Variants in POTEC observed in about 807,000 individuals in gnomAD.
POTEC encodes POTE ankyrin domain family member C, also known as ANKRD26-like family B member 2.
In POTEC, 35 loss-of-function variants were observed where a neutral mutation model predicts 62.0. The observed-to-expected ratio is 0.56, with a 90% CI of 0.43 to 0.75. POTEC has a LOEUF of 0.75. Ranked by LOEUF, POTEC falls within the 30% of genes least tolerant of loss-of-function variation. POTEC has a pLI of 0.00. For synonymous variants in POTEC, 156 were observed against 221.5 expected (o/e 0.70, Z 2.62); for missense variants, 472 against 655.9 (o/e 0.72, Z 3.06).
At chr18:14,537,062 A>G (rs1905742322) in intron 3 of POTEC, among the ~76,000 whole-genome samples, 1 of 151,150 alleles carries the variant, frequency 6.6e-6, no homozygotes, top group Admixed American at 6.6e-5. Context: ...ATTTATCTCT[A>G]GGCAGTTTAC....
intron 6 of POTEC, among the ~76,000 whole-genome samples, chr18:14,527,375 T>C (rs60680133): frequency 0.036 from 5,538 of 152,118 alleles, 359 homozygotes; most frequent in African/African-American, 0.13. Context: ...TTGCAGAAAA[T>C]GATTTTTTAG....
Position 14,533,110 on chromosome 18 carries a change from G to C in POTEC, c.1006C>G (p.Leu336Val). The stretch of plus-strand genomic sequence containing the variant: ...TACTCTCTGGCCGTCTGTCCAGATA[G>C]ATCTTGAGAAGATACATCAACATTT... ...EQNVDVSSQDLSGQTAREYAV... is the reference protein window; with the variant it reads ...EQNVDVSSQDVSGQTAREYAV... Residue 336 changes from leucine to valine, a missense_variant, in exon 5 of 11, where the codon CTA becomes GTA. Physicochemically the swap from Leu to Val is conservative, Grantham distance 32 (BLOSUM62 1). Transcript: ENST00000358970. 2 of 1,611,380 alleles carry C rather than the reference G, an allele frequency of 1.2e-6. No individual in the cohort carries two copies. The highest frequency in any genetic ancestry group is 1.7e-6 in the Non-Finnish European group (2 of 1,179,528).
chr18:14,532,923 T>C, intron 5 of POTEC, 138 bp downstream of exon 5: 1 of 1,553,794 alleles, frequency 6.4e-7, no homozygotes, highest in Admixed American at 1.8e-5. Flanking sequence ...TTCTGGCTGA[T>C]GCAGGGGACT....
intron 6 of POTEC, among the ~76,000 whole-genome samples, chr18:14,529,919 C>T (rs910811074): frequency 3.9e-5 from 6 of 151,994 alleles, no homozygotes; most frequent in African/African-American, 1.4e-4. Context: ...GTAGGACCAC[C>T]CAGAGCAGGG....
chr18:14,512,704 G>T (rs1598475579), intron 10 of POTEC, among the ~76,000 whole-genome samples: 2 of 152,198 alleles, frequency 1.3e-5, no homozygotes, highest in African/African-American at 4.8e-5. Flanking sequence ...CTGGGAGGCA[G>T]AGGTTGCAGT....
At position 14,537,928 on chromosome 18, in the gene POTEC, T is replaced by C; in HGVS notation, c.683A>G (p.His228Arg). The change falls in exon 3 of 11, where the codon CAT becomes CGT. Residue 228 changes from histidine to arginine, a missense_variant. Coordinates refer to ENST00000358970, the MANE Select transcript of POTEC (RefSeq NM_001137671.2). The part of the protein sequence containing the change: ...EDECVLMLLE[H>R]GADQNIPDEY... ...ATCTGGAATATTTTGATCAGCGCCA[T>C]GTTCCAGCAACATTAACACACATTC... 3.1e-6 allele frequency: 5 copies of C among 1,612,652 alleles called. No individual in the cohort carries two copies. Among genetic ancestry groups the C allele is most frequent in the Non-Finnish European group, 4.2e-6 (5 of 1,179,794 alleles).
chr18:14,529,216 A>G (rs1905419169), intron 6 of POTEC, among the ~76,000 whole-genome samples: 2 of 152,096 alleles, frequency 1.3e-5, no homozygotes, highest in Non-Finnish European at 2.9e-5. Flanking sequence ...AAGTAGTAAA[A>G]TAATAAAAAT....
At chr18:14,541,670 T>G (rs1308574027) in intron 1 of POTEC, among the ~76,000 whole-genome samples, 1 of 152,110 alleles carries the variant, frequency 6.6e-6, no homozygotes, top group Non-Finnish European at 1.5e-5. Flanking sequence ...CACATATAAA[T>G]AGGCATTTGT....
chr18:14,530,729 A>C (rs184992478), intron 5 of POTEC, among the ~76,000 whole-genome samples, 176 bp from the exon 6 acceptor site: 7 of 152,300 alleles, frequency 4.6e-5, no homozygotes, highest in Admixed American at 6.5e-5. Flanking sequence ...TTCTAATTAA[A>C]GCAGAAAAAA....
rs1181925947 is a variant in POTEC, at chr18:14,511,205, G to A, written c.*693C>T. 6.5e-6 allele frequency: 1 copy of A among 154,068 alleles called. No individual in the cohort carries two copies. Among genetic ancestry groups the A allele is most frequent in the Non-Finnish European group, 1.4e-5 (1 of 69,768 alleles). The allele number at this position is 154,068 out of a possible 1,614,324, so 9.5% of individuals were successfully genotyped here. ...AAGGTTTCAAATCTCCATTGGCCAG[G>A]GAACACTGGTGGGTGTAGCTGGAGG... On this transcript the variant is annotated 3_prime_UTR_variant, in exon 11 of 11. Coordinates refer to ENST00000358970, the MANE Select transcript of POTEC (RefSeq NM_001137671.2).
chr18:14,542,643 C>A lies in POTEC; in HGVS notation c.504G>T (p.Lys168Asn). 6.2e-7 allele frequency: 1 copy of A among 1,612,634 alleles called. No individual in the cohort carries two copies. The highest frequency in any genetic ancestry group is 8.5e-7 in the Non-Finnish European group (1 of 1,179,960). ...CCAGTTACCTCTTTTGCTTGTCCCT[C>A]TTGTTCATGTCCGTGTCCCTGAGCA... ...IVMLRDTDMN[K>N]RDKQKRTALH... The change falls in exon 1 of 11, where the codon AAG becomes AAT. Residue 168 changes from lysine to asparagine, a missense_variant. Transcript: ENST00000358970.
At chr18:14,533,926 A>AT (rs957104812) in intron 4 of POTEC, among the ~76,000 whole-genome samples, 12 of 88,618 alleles carry the variant, frequency 1.4e-4, no homozygotes, top group African/African-American at 8.7e-5. Context: ...TTGTTTTGTT[A>AT]TTTTTTTTTA....
intron 9 of POTEC, among the ~76,000 whole-genome samples, 158 bp from the exon 10 acceptor site, chr18:14,513,943 G>T (rs565910291): frequency 6.6e-6 from 1 of 152,284 alleles, no homozygotes; most frequent in Non-Finnish European, 1.5e-5. Context: ...TGCTCTCCCA[G>T]TCATGTTGGC....
In POTEC at chr18:14,535,082, T is replaced by C. The variant is rs552021030; in HGVS notation, c.811-75A>G. 2.2e-4 allele frequency: 346 copies of C among 1,581,386 alleles called. No individual in the cohort carries two copies. The African/African-American group carries it at 4.2e-3, about 19-fold the overall frequency. The stretch of plus-strand genomic sequence containing the variant: ...ATTTCTCAACTGAACTGGAAGCTTA[T>C]GGACTTACACTCACAGAAAGTAAAT... On this transcript the variant is annotated intron_variant, in intron 3 of 10. Transcript: ENST00000358970.
At chr18:14,515,698 T>G (rs1910131153) in intron 9 of POTEC, among the ~76,000 whole-genome samples, 2 of 151,072 alleles carry the variant, frequency 1.3e-5, no homozygotes, top group Admixed American at 6.6e-5. Context: ...ACTAAAAAGC[T>G]TCAGCACAGC....
intron 4 of POTEC, 90 bp from the exon 5 acceptor site, chr18:14,533,288 G>A (rs1905590858): frequency 1.3e-6 from 2 of 1,554,944 alleles, no homozygotes; most frequent in African/African-American, 1.4e-5. Flanking sequence ...TTAACATCTT[G>A]CCTGTCCATG....
intron 8 of POTEC, among the ~76,000 whole-genome samples, chr18:14,522,626 G>A (rs1407651908): frequency 6.6e-6 from 1 of 151,994 alleles, no homozygotes; most frequent in Non-Finnish European, 1.5e-5. Context: ...TGAAATTTTT[G>A]TAAAGTCTTC....
Position 14,543,326 on chromosome 18 carries a change from C to A in POTEC, c.-180G>T, listed in dbSNP as rs562129474. ...CCACCCCACCCAGGGAAAACCCACA[C>A]CCACCCGGGGAAAGCCCACGCCCAC... On this transcript the variant is annotated 5_prime_UTR_variant, in exon 1 of 11. Coordinates refer to ENST00000358970, the MANE Select transcript of POTEC (RefSeq NM_001137671.2). The A allele has an allele frequency of 1.3e-5, 15 of 1,157,614 alleles. No homozygotes were observed. In the East Asian group the frequency reaches 3.9e-4, roughly 30 times the overall value. The allele number at this position is 1,157,614 out of a possible 1,614,324, so 71.7% of individuals were successfully genotyped here.
intron 1 of POTEC, among the ~76,000 whole-genome samples, 185 bp from the exon 2 acceptor site, chr18:14,538,434 T>C (rs565196952): frequency 6.6e-6 from 1 of 152,326 alleles, no homozygotes; most frequent in South Asian, 2.1e-4. Flanking sequence ...GAGCAGCCTA[T>C]TTGAATAGAA....
Sources: allele counts gnomAD v4.1 joint callset (sites outside exome capture counted in the v4.1 genomes callset), GRCh38; gene constraint gnomAD v4.1.1; transcripts MANE v1.5; gene names NCBI Gene and HGNC (gene_info 2026-07-23, HGNC 2026-07-21).